Variants in PRKAR1B observed in about 807,000 individuals in gnomAD.
PRKAR1B encodes the protein protein kinase cAMP-dependent type I regulatory subunit beta, also known as cAMP-dependent protein kinase type I-beta regulatory subunit.
In PRKAR1B, 22 loss-of-function variants were observed where a neutral mutation model predicts 46.5. The observed-to-expected ratio is 0.47, with a 90% CI of 0.34 to 0.68. PRKAR1B has a LOEUF of 0.68. Among genes scored for constraint, PRKAR1B ranks in the 30% least tolerant of loss-of-function variants. The pLI is 0.01. For missense variants in PRKAR1B, 445 were observed against 535.6 expected (o/e 0.83, Z 1.67); for synonymous variants, 259 against 217.7 (o/e 1.19, Z -1.67).
chr7:640,163 G>GA lies in PRKAR1B; in HGVS notation c.441-32712dup, dbSNP rs78525437. ...GGGCAACAGAGCGAGACTCCGTCTC[G>GA]AAAAAAAAAAAAAAGATAAATTGAA... On this transcript the variant is annotated intron_variant, in intron 4 of 10. Coordinates refer to ENST00000537384, the MANE Select transcript of PRKAR1B (RefSeq NM_001164760.2). Among the ~76,000 whole-genome samples, 458 of 121,446 alleles carry GA rather than the reference G, an allele frequency of 3.8e-3. 3 individuals are homozygous for GA. The highest frequency in any genetic ancestry group is 5.6e-3 in the South Asian group (21 of 3,766). 79.7% of individuals were successfully genotyped at this position (121,446 alleles called of 152,430 possible).
chr7:588,197 G>A (rs1780708594), intron 7 of PRKAR1B, among the ~76,000 whole-genome samples: 1 of 152,160 alleles, frequency 6.6e-6, no homozygotes, highest in South Asian at 2.1e-4. Context: ...TTCCATGATG[G>A]GGACAAGGAC....
At chr7:594,853 AT>A (rs1435147503) in intron 7 of PRKAR1B, among the ~76,000 whole-genome samples, 2 of 152,054 alleles carry the variant, frequency 1.3e-5, no homozygotes, top group African/African-American at 4.8e-5. Flanking sequence ...CCCCCAGATC[AT>A]GACGAGACCA....
At chr7:585,417 CAG>C (rs1276143633) in intron 7 of PRKAR1B, among the ~76,000 whole-genome samples, 1 of 152,202 alleles carries the variant, frequency 6.6e-6, no homozygotes, top group Non-Finnish European at 1.5e-5. Flanking sequence ...ATTCCAAAAA[CAG>C]AGACACAGAG....
chr7:583,286 CAG>C (rs952595845), intron 8 of PRKAR1B, among the ~76,000 whole-genome samples: 9 of 152,122 alleles, frequency 5.9e-5, no homozygotes, highest in Non-Finnish European at 1.0e-4. Context: ...TCAGAGAGAA[CAG>C]GGGTCAAAGT....
At chr7:678,547 G>A (rs895700100) in intron 3 of PRKAR1B, among the ~76,000 whole-genome samples, 8 of 152,176 alleles carry the variant, frequency 5.3e-5, no homozygotes, top group African/African-American at 1.7e-4. Flanking sequence ...GAAGCACTAC[G>A]AACATTTCAG....
At chr7:691,413 G>C (rs1779418062) in intron 2 of PRKAR1B, 1 of 1,037,550 alleles carries the variant, frequency 9.6e-7, no homozygotes, top group Non-Finnish European at 1.3e-6. Context: ...TGGTCAGGAG[G>C]GGTGCAGGAG....
intron 10 of PRKAR1B, 76 bp from the exon 11 acceptor site, chr7:550,678 CCCTGGAAGCGGCTCCCTTTT>C: frequency 7.7e-7 from 1 of 1,290,940 alleles, no homozygotes; most frequent in Non-Finnish European, 1.0e-6. Context: ...ATGTCCAGGA[CCCTGGAAGCGGCTCCCTTTT>C]AAGGATAGGA....
intron 9 of PRKAR1B, among the ~76,000 whole-genome samples, chr7:569,814 C>A (rs765640972): frequency 3.9e-5 from 6 of 152,186 alleles, no homozygotes; most frequent in Non-Finnish European, 8.8e-5. Context: ...CCCGTAATGA[C>A]CCTGGCCAGT....
At chr7:597,201 C>T (rs996113659) in intron 6 of PRKAR1B, among the ~76,000 whole-genome samples, 8 of 152,196 alleles carry the variant, frequency 5.3e-5, no homozygotes, top group Non-Finnish European at 1.2e-4. Context: ...GGTTGCATAT[C>T]GGGAAAGAAT....
At chr7:581,603 A>G (rs1014578637) in intron 8 of PRKAR1B, among the ~76,000 whole-genome samples, 5 of 152,238 alleles carry the variant, frequency 3.3e-5, no homozygotes, top group Non-Finnish European at 5.9e-5. Context: ...TGCTTACTCT[A>G]TTACATTTGA....
intron 4 of PRKAR1B, among the ~76,000 whole-genome samples, chr7:626,719 CT>C (rs1242823672): frequency 1.4e-3 from 196 of 144,234 alleles, no homozygotes; most frequent in South Asian, 0.012. Context: ...ATAAAGTGAA[CT>C]TTTTTTTTTT....
At chr7:617,299 CTTTT>C (rs71016890) in intron 4 of PRKAR1B, among the ~76,000 whole-genome samples, 6,349 of 132,348 alleles carry the variant, frequency 0.048, 347 homozygotes, top group African/African-American at 0.14. Flanking sequence ...GACCAAGTGC[CTTTT>C]TTTTTTTTTT....
chr7:624,415 G>C (rs550828004), intron 4 of PRKAR1B, among the ~76,000 whole-genome samples: 3 of 151,818 alleles, frequency 2.0e-5, no homozygotes, highest in Non-Finnish European at 4.4e-5. Flanking sequence ...CTGGGCAACA[G>C]AGCAAGACTC....
Position 629,052 on chromosome 7 carries a change from TGGTGACAGAGC to T in PRKAR1B, c.441-21611_441-21601del, listed in dbSNP as rs759409850. On this transcript the variant is annotated intron_variant, in intron 4 of 10. Transcript: ENST00000537384. ...CCTGTGTGTCGGACATTACAGCCGA[TGGTGACAGAGC>T]CCGCTCCGTGCAGAAGATGAGAAGC... Among the ~76,000 whole-genome samples the T allele has an allele frequency of 4.4e-4, 67 of 152,206 alleles. 1 individual carries two copies. Among genetic ancestry groups the T allele is most frequent in the Non-Finnish European group, 2.2e-4 (15 of 68,024 alleles).
chr7:728,558 A>G (rs1583470430), upstream of PRKAR1B, among the ~76,000 whole-genome samples: 1 of 152,234 alleles, frequency 6.6e-6, no homozygotes, highest in East Asian at 1.9e-4. Context: ...CTTGGGGAAG[A>G]ACCTTGGGCT....
chr7:618,020 C>A (rs973050116), intron 4 of PRKAR1B, among the ~76,000 whole-genome samples: 3 of 152,126 alleles, frequency 2.0e-5, no homozygotes, highest in Admixed American at 6.6e-5. Flanking sequence ...CCCCACCCTC[C>A]GCCTGGGACC....
At chr7:596,962 A>G (rs1003283189) in intron 6 of PRKAR1B, among the ~76,000 whole-genome samples, 6 of 152,262 alleles carry the variant, frequency 3.9e-5, no homozygotes, top group Admixed American at 3.9e-4. Flanking sequence ...GCGCCTGGGA[A>G]GGAGCCCAGA....
Position 602,148 on chromosome 7 carries a change from T to TAACC in PRKAR1B, c.549+4044_549+4045insGGTT, listed in dbSNP as rs1562553329. 9.9e-5 allele frequency among the ~76,000 whole-genome samples: 15 copies of TAACC among 151,940 alleles called. No homozygotes were observed. Among genetic ancestry groups the TAACC allele is most frequent in the African/African-American group, 3.6e-4 (15 of 41,380 alleles). ...GCTTCAGCCCCGACCCCACGCTAAC[T>TAACC]GGGCCAGGGCAGGGGCTGGGCTGGG... On this transcript the variant is annotated intron_variant, in intron 6 of 10. Transcript: ENST00000537384. The surrounding 1 kb of genome is among the most constrained non-coding windows in gnomAD (Gnocchi z 6.4).
chr7:656,690 TGAATGGATGGATAAATGGGTGAA>T, intron 4 of PRKAR1B, among the ~76,000 whole-genome samples: 1 of 152,024 alleles, frequency 6.6e-6, no homozygotes, highest in African/African-American at 2.4e-5. Flanking sequence ...GATTCATGAG[TGAATGGATGGATAAATGGGTGAA>T]CAAATGAGTG....
Sources: allele counts gnomAD v4.1 joint callset (sites outside exome capture counted in the v4.1 genomes callset), GRCh38; gene constraint gnomAD v4.1.1; non-coding constraint Gnocchi (gnomAD v3.1); transcripts MANE v1.5; gene names NCBI Gene and HGNC (gene_info 2026-07-23, HGNC 2026-07-21).